CSMD1: variants seen among roughly 807,000 people sequenced by gnomAD.
CSMD1 encodes the protein CUB and sushi domain-containing protein 1.
A neutral mutation model predicts 417.5 loss-of-function variants in CSMD1; 213 were observed. The observed-to-expected ratio is 0.51, with a 90% CI of 0.46 to 0.57. The LOEUF is 0.57. Ranked by LOEUF, CSMD1 falls within the 20% of genes least tolerant of loss-of-function variation. The pLI, the probability that CSMD1 is intolerant of heterozygous loss-of-function variation, is 0.00. For synonymous variants in CSMD1, 2,862 were observed against 1,736.8 expected (o/e 1.65, Z -16.11); for missense variants, 6,923 against 4,529.7 (o/e 1.53, Z -15.17).
chr8:4,492,929 A>G (rs2130227419), intron 2 of CSMD1, among the ~76,000 whole-genome samples: 1 of 152,374 alleles, frequency 6.6e-6, no homozygotes, highest in East Asian at 1.9e-4. Context: ...AAACTGTCAC[A>G]GGCAGTGAAA....
chr8:3,304,931 T>C (rs1256045760), intron 25 of CSMD1, among the ~76,000 whole-genome samples: 3 of 152,058 alleles, frequency 2.0e-5, no homozygotes, highest in Non-Finnish European at 4.4e-5. Flanking sequence ...ATAAAGTCAT[T>C]CCATTAGCAT....
Position 4,735,897 on chromosome 8 carries a change from A to G in CSMD1, c.86-98339T>C, listed in dbSNP as rs1026024840. Among the ~76,000 whole-genome samples, 5 of 152,182 alleles carry G rather than the reference A, an allele frequency of 3.3e-5. No individual in the cohort carries two copies. In the East Asian group the frequency reaches 5.8e-4, roughly 18 times the overall value. Reference sequence around the variant, plus strand: ...ACATACAACACGCTACTGCTTTACTAGAGATTTACTGATGAGCAGGTAATA... The same window carrying G: ...ACATACAACACGCTACTGCTTTACTGGAGATTTACTGATGAGCAGGTAATA... On this transcript the variant is annotated intron_variant, in intron 1 of 69. Coordinates refer to ENST00000635120, the MANE Select transcript of CSMD1 (RefSeq NM_033225.6).
At chr8:3,792,775 C>G (rs570612639) in intron 5 of CSMD1, among the ~76,000 whole-genome samples, 1 of 152,296 alleles carries the variant, frequency 6.6e-6, no homozygotes, top group Admixed American at 6.5e-5. Flanking sequence ...TTTTCATGCT[C>G]TCTCTCACAA....
At chr8:4,828,927 T>C (rs1265082486) in intron 1 of CSMD1, among the ~76,000 whole-genome samples, 2 of 152,166 alleles carry the variant, frequency 1.3e-5, no homozygotes, top group African/African-American at 4.8e-5. Context: ...AAAGGTTAAT[T>C]AACCATCCCC....
At chr8:4,622,759 T>C (rs527270105) in intron 2 of CSMD1, among the ~76,000 whole-genome samples, 1 of 152,232 alleles carries the variant, frequency 6.6e-6, no homozygotes, top group East Asian at 1.9e-4. Context: ...AACATTGTAC[T>C]GAAGGAGCTG....
intron 12 of CSMD1, among the ~76,000 whole-genome samples, chr8:3,422,659 T>C (rs910317440): frequency 2.6e-5 from 4 of 152,218 alleles, no homozygotes; most frequent in Non-Finnish European, 4.4e-5. Context: ...TCAAATCTAT[T>C]TTCGATGCAT....
At position 4,105,141 on chromosome 8, in the gene CSMD1, T is replaced by C. The variant is rs1300126355; in HGVS notation, c.416-73042A>G. 5.3e-5 allele frequency among the ~76,000 whole-genome samples: 8 copies of C among 152,154 alleles called. 1 individual carries two copies. In the South Asian group the frequency reaches 1.2e-3, roughly 24 times the overall value. On this transcript the variant is annotated intron_variant, in intron 3 of 69. Coordinates refer to ENST00000635120, the MANE Select transcript of CSMD1 (RefSeq NM_033225.6). Reference sequence around the variant, plus strand: ...CCTACATGTAATACACAATCACTAATAACGTACAACTGAAAATTAGATATC... The same window carrying C: ...CCTACATGTAATACACAATCACTAACAACGTACAACTGAAAATTAGATATC...
chr8:3,371,968 AGGGAT>A (rs1170639888), intron 18 of CSMD1, among the ~76,000 whole-genome samples: 2 of 152,232 alleles, frequency 1.3e-5, no homozygotes, highest in Non-Finnish European at 2.9e-5. Flanking sequence ...CCCCAGCATC[AGGGAT>A]GATTAATAAT....
At chr8:4,172,408 A>C (rs911982435) in intron 3 of CSMD1, among the ~76,000 whole-genome samples, 6 of 152,112 alleles carry the variant, frequency 3.9e-5, no homozygotes, top group Admixed American at 2.0e-4. Context: ...AGTGGGTCTC[A>C]TGGCTCCCGC....
chr8:3,700,493 T>A (rs573271353), intron 7 of CSMD1: 1 of 152,264 alleles, frequency 6.6e-6, no homozygotes, highest in East Asian at 1.9e-4. Flanking sequence ...GATGCTCAAG[T>A]CAACAGCCAT....
At position 4,935,103 on chromosome 8, in the gene CSMD1, G is replaced by C. The variant is rs140741989; in HGVS notation, c.85+59229C>G. Among the ~76,000 whole-genome samples, 263 of 152,278 alleles carry C rather than the reference G, an allele frequency of 1.7e-3. 1 individual carries two copies. Among genetic ancestry groups the C allele is most frequent in the African/African-American group, 5.9e-3 (246 of 41,548 alleles). On this transcript the variant is annotated intron_variant, in intron 1 of 69. Coordinates refer to ENST00000635120, the MANE Select transcript of CSMD1 (RefSeq NM_033225.6). The stretch of plus-strand genomic sequence containing the variant: ...CAACAGGCCCCATGATCAGGATTCT[G>C]CCTTCATTCCTTATAGCTCACCACT...
At chr8:3,897,945 C>A (rs1046643887) in intron 5 of CSMD1, among the ~76,000 whole-genome samples, 1 of 152,140 alleles carries the variant, frequency 6.6e-6, no homozygotes, top group African/African-American at 2.4e-5. Context: ...GTTATATAAT[C>A]ACCAAATGAA....
chr8:3,452,428 C>A (rs150305357), intron 12 of CSMD1, among the ~76,000 whole-genome samples: 64,275 of 151,998 alleles, frequency 0.42, 14,176 homozygotes, highest in Middle Eastern at 0.51. Context: ...GTTTTTGCCC[C>A]TTCAGTATGA....
At chr8:3,333,193 C>T (rs1163604443) in intron 23 of CSMD1, among the ~76,000 whole-genome samples, 1 of 152,128 alleles carries the variant, frequency 6.6e-6, no homozygotes, top group East Asian at 1.9e-4. Flanking sequence ...GACCACAGCC[C>T]AGCCAACACC....
intron 2 of CSMD1, among the ~76,000 whole-genome samples, chr8:4,619,701 T>C (rs935881244): frequency 6.6e-6 from 1 of 152,170 alleles, no homozygotes; most frequent in Non-Finnish European, 1.5e-5. Flanking sequence ...CTTTTGAAGC[T>C]ATTGTTGACC....
chr8:4,958,021 C>T (rs1417343875), intron 1 of CSMD1, among the ~76,000 whole-genome samples: 1 of 152,118 alleles, frequency 6.6e-6, no homozygotes, highest in Non-Finnish European at 1.5e-5. Context: ...CAAGTCACGA[C>T]GTTGAGGAGA....
At chr8:4,038,642 A>G (rs1235411448) in intron 3 of CSMD1, among the ~76,000 whole-genome samples, 2 of 152,194 alleles carry the variant, frequency 1.3e-5, no homozygotes, top group Non-Finnish European at 2.9e-5. Flanking sequence ...CATAAACTCT[A>G]CTTTTAATTC....
intron 3 of CSMD1, among the ~76,000 whole-genome samples, chr8:4,077,303 A>ATATGTG (rs1563092826): frequency 4.9e-5 from 4 of 81,548 alleles, no homozygotes; most frequent in Non-Finnish European, 1.4e-4. Flanking sequence ...ATGTGTATAT[A>ATATGTG]TATATATATA....
chr8:4,093,978 ATAG>A (rs758296549), intron 3 of CSMD1, among the ~76,000 whole-genome samples: 2,116 of 151,226 alleles, frequency 0.014, 27 homozygotes, highest in Non-Finnish European at 0.019. Flanking sequence ...AGATAGATAG[ATAG>A]ATAGATAGAT....
Sources: gnomAD v4.1 joint callset for allele counts (sites outside exome capture counted in the v4.1 genomes callset) on GRCh38, gnomAD v4.1.1 for gene constraint, MANE v1.5 for transcripts, NCBI Gene and HGNC (gene_info 2026-07-23, HGNC 2026-07-21) for gene names.